Variants in SMAD3 observed in about 807,000 individuals in gnomAD.
The protein encoded by SMAD3 is MAD homolog 3.
A neutral mutation model predicts 51.8 loss-of-function variants in SMAD3; 12 were observed. The observed-to-expected ratio is 0.23, with a 90% CI of 0.15 to 0.38. The LOEUF (loss-of-function observed/expected upper bound fraction) is 0.38, where lower values mean the gene tolerates loss of function less well. Among genes scored for constraint, SMAD3 ranks in the 10% least tolerant of loss-of-function variants. The pLI, the probability that SMAD3 is intolerant of heterozygous loss-of-function variation, is 1.00. For missense variants in SMAD3, 294 were observed against 565.6 expected, an observed-to-expected ratio of 0.52 and a Z score of 4.87; for synonymous variants, 238 against 227.7, an observed-to-expected ratio of 1.05 and a Z score of -0.41.
At chr15:67,067,523 G>A (rs1959953778) in intron 1 of SMAD3, among the ~76,000 whole-genome samples, 1 of 152,146 alleles carries the variant, frequency 6.6e-6, no homozygotes, top group Non-Finnish European at 1.5e-5. Flanking sequence ...ACTGTCAGCC[G>A]CAAAGGGATT....
chr15:67,142,207 CA>C (rs1961848746), intron 1 of SMAD3, among the ~76,000 whole-genome samples: 1 of 151,052 alleles, frequency 6.6e-6, no homozygotes, highest in Non-Finnish European at 1.5e-5. Flanking sequence ...ACACCCCCCC[CA>C]CCATTGTTTC....
At chr15:67,117,685 G>A (rs762942639) in intron 1 of SMAD3, among the ~76,000 whole-genome samples, 1 of 152,196 alleles carries the variant, frequency 6.6e-6, no homozygotes, top group Non-Finnish European at 1.5e-5. Context: ...ATAGAGAGCT[G>A]TTGTTAGCTT....
chr15:67,116,323 G>A (rs1373490726), intron 1 of SMAD3, among the ~76,000 whole-genome samples: 1 of 152,210 alleles, frequency 6.6e-6, no homozygotes, highest in Non-Finnish European at 1.5e-5. Context: ...TGGACAAAAG[G>A]GATATACTGG....
chr15:67,148,428 TTGTTGAGCAAGTTTA>T (rs778647486), intron 1 of SMAD3, among the ~76,000 whole-genome samples: 8,246 of 152,276 alleles, frequency 0.054, 299 homozygotes, highest in Admixed American at 0.093. Context: ...TAACAAATAT[TTGTTGAGCAAGTTTA>T]TTGCAAATCG....
At chr15:67,102,706 T>TGAC (rs1595900255) in intron 1 of SMAD3, among the ~76,000 whole-genome samples, 1 of 151,882 alleles carries the variant, frequency 6.6e-6, no homozygotes, top group African/African-American at 2.4e-5. Flanking sequence ...TTGCAGGGAG[T>TGAC]GACGTTGAAT....
chr15:67,191,799 T>C lies in SMAD3; in HGVS notation c.*1263T>C. ...ATTGCAGGCTTGGTACAAAGAGGTCTGTCATCTTCCCCCTGGGATATAAGA... is the reference window on the plus strand; with the variant it reads ...ATTGCAGGCTTGGTACAAAGAGGTCCGTCATCTTCCCCCTGGGATATAAGA... On this transcript the variant is annotated 3_prime_UTR_variant, in exon 9 of 9. Transcript: ENST00000327367. The C allele has an allele frequency of 4.3e-6, 1 of 230,682 alleles. No individual in the cohort carries two copies. The highest frequency in any genetic ancestry group is 8.6e-6 in the Non-Finnish European group (1 of 116,310). The allele number at this position is 230,682 out of a possible 1,614,324, so 14.3% of individuals were successfully genotyped here.
chr15:67,182,600 G>C (rs954027256), intron 6 of SMAD3, among the ~76,000 whole-genome samples: 1 of 152,038 alleles, frequency 6.6e-6, no homozygotes, highest in Non-Finnish European at 1.5e-5. Context: ...TTTGAAGAGA[G>C]GATTGATTCT....
chr15:67,159,222 C>T (rs1379086979), intron 1 of SMAD3, among the ~76,000 whole-genome samples: 1 of 152,076 alleles, frequency 6.6e-6, no homozygotes, highest in Non-Finnish European at 1.5e-5. Context: ...AGGCATGGGT[C>T]ACCACGCCCA....
chr15:67,167,830 A>T (rs1264402094), intron 4 of SMAD3, among the ~76,000 whole-genome samples: 2 of 152,074 alleles, frequency 1.3e-5, no homozygotes, highest in African/African-American at 4.8e-5. Context: ...AGAGGAGGAG[A>T]AGGGGAGAGG....
At chr15:67,186,743 A>G in intron 7 of SMAD3, 1 of 229,386 alleles carries the variant, frequency 4.4e-6, no homozygotes, top group Non-Finnish European at 8.8e-6. Context: ...CCCAGTGCCC[A>G]GAGGCCAAAA....
At position 67,066,318 on chromosome 15, in the gene SMAD3, T is replaced by A. The variant is rs1959915289; in HGVS notation, c.164T>A (p.Ile55Asn). ...CAGCTGGACGAGCTGGAGAAGGCCATCACCACGCAGAACGTCAACACCAAG... is the reference window on the plus strand; with the variant it reads ...CAGCTGGACGAGCTGGAGAAGGCCAACACCACGCAGAACGTCAACACCAAG... The part of the protein sequence containing the change: ...TGQLDELEKA[I>N]TTQNVNTKCI... The change falls in exon 1 of 9, where the codon ATC becomes AAC. Residue 55 changes from isoleucine to asparagine, a missense_variant. This residue lies in a region of SMAD3 where 147 missense variants were observed against 260.9 expected (regional missense o/e 0.56). Transcript: ENST00000327367. 1.2e-6 allele frequency: 2 copies of A among 1,613,122 alleles called. No individual in the cohort carries two copies. The highest frequency in any genetic ancestry group is 3.3e-5 in the Admixed American group (2 of 59,976).
chr15:67,107,964 C>CA (rs1363595247), intron 1 of SMAD3, among the ~76,000 whole-genome samples: 1 of 74,518 alleles, frequency 1.3e-5, no homozygotes, highest in Non-Finnish European at 4.1e-5. Flanking sequence ...CTGCTCTCCT[C>CA]TCCCCCCCAC....
At chr15:67,095,101 G>GGTCC (rs1368642222) in intron 1 of SMAD3, among the ~76,000 whole-genome samples, 9 of 151,536 alleles carry the variant, frequency 5.9e-5, no homozygotes, top group Non-Finnish European at 1.0e-4. Flanking sequence ...ATGGTTGGTT[G>GGTCC]GTCCCTTCCT....
chr15:67,181,005 TAAAA>T (rs869143841), intron 5 of SMAD3, among the ~76,000 whole-genome samples: 2 of 149,962 alleles, frequency 1.3e-5, no homozygotes, highest in Admixed American at 6.6e-5. Context: ...AATAAATAAA[TAAAA>T]AGAGAAATCA....
intron 1 of SMAD3, among the ~76,000 whole-genome samples, chr15:67,115,597 G>C (rs1961117351): frequency 6.6e-6 from 1 of 151,702 alleles, no homozygotes; most frequent in Non-Finnish European, 1.5e-5. Context: ...GCCCAGGTGA[G>C]AGACATGCCC....
intron 5 of SMAD3, among the ~76,000 whole-genome samples, chr15:67,178,411 AT>A (rs548045059): frequency 1.3e-3 from 195 of 152,212 alleles, no homozygotes; most frequent in Non-Finnish European, 2.3e-3. Context: ...TGTTCTACAC[AT>A]TGCTGAGTAA....
chr15:67,168,419 C>T (rs11639295), intron 4 of SMAD3, among the ~76,000 whole-genome samples: 51,554 of 152,126 alleles, frequency 0.34, 8,943 homozygotes, highest in East Asian at 0.44. Flanking sequence ...TTCCTGTATC[C>T]GATGCCAAGT....
chr15:67,065,682 G>T lies in SMAD3; in HGVS notation c.-473G>T, dbSNP rs535883990. 2.4e-4 allele frequency among the ~76,000 whole-genome samples: 36 copies of T among 151,790 alleles called. No homozygotes were observed. The highest frequency in any genetic ancestry group is 8.7e-4 in the African/African-American group (36 of 41,496). ...CCCAGCCAGCGAGCGAGCGAGCGGC[G>T]AGCCGGGAGGAGGAGGGTGGCGGGG... On this transcript the variant is annotated 5_prime_UTR_variant, in exon 1 of 9. Transcript: ENST00000327367.
At chr15:67,103,552 G>A (rs1000492987) in intron 1 of SMAD3, among the ~76,000 whole-genome samples, 2 of 152,212 alleles carry the variant, frequency 1.3e-5, no homozygotes, top group East Asian at 3.8e-4. Flanking sequence ...GTGTGCTACT[G>A]ACCTGGAGTC....
Sources: allele counts gnomAD v4.1 joint callset (sites outside exome capture counted in the v4.1 genomes callset), GRCh38; gene constraint gnomAD v4.1.1; regional missense constraint gnomAD v4.1.1; transcripts MANE v1.5; gene names NCBI Gene and HGNC (gene_info 2026-07-23, HGNC 2026-07-21).